The following ABCA13 variants were observed in gnomAD, a reference collection of about 807,000 sequenced individuals.
ABCA13 encodes the protein ATP-binding cassette sub-family A member 13.
ABCA13 carries 476 observed loss-of-function variants against 478.7 expected under a neutral mutation model. That is an observed-to-expected ratio of 0.99 (90% CI 0.92 to 1.07). The LOEUF (loss-of-function observed/expected upper bound fraction) is 1.07. ABCA13 is among the 50% of genes least tolerant of loss of function. The probability of loss-of-function intolerance (pLI) is 0.00; values close to 1 mark genes in which losing one functional copy is unlikely to be tolerated. For missense variants in ABCA13, 6,060 were observed against 5,910.6 expected, an observed-to-expected ratio of 1.03 and a Z score of -0.83; for synonymous variants, 2,252 against 2,158.9, an observed-to-expected ratio of 1.04 and a Z score of -1.20.
intron 59 of ABCA13, among the ~76,000 whole-genome samples, chr7:48,632,017 G>A (rs1262879527): frequency 2.6e-5 from 4 of 152,156 alleles, no homozygotes; most frequent in African/African-American, 9.7e-5. Context: ...CATTGATTTT[G>A]TAAACTGAGA....
At chr7:48,576,414 T>C (rs576935659) in intron 55 of ABCA13, among the ~76,000 whole-genome samples, 3 of 152,284 alleles carry the variant, frequency 2.0e-5, no homozygotes, top group Non-Finnish European at 2.9e-5. Flanking sequence ...AGATTCTCCA[T>C]GTGAAGACAG....
intron 10 of ABCA13, 136 bp downstream of exon 10, chr7:48,241,202 T>C: frequency 9.1e-7 from 1 of 1,098,562 alleles, no homozygotes; most frequent in East Asian, 2.6e-5. Context: ...AAATGGGAAA[T>C]CAGAGGCTTT....
chr7:48,224,019 G>A (rs1787786945), intron 5 of ABCA13, among the ~76,000 whole-genome samples: 1 of 151,574 alleles, frequency 6.6e-6, no homozygotes, highest in Non-Finnish European at 1.5e-5. Flanking sequence ...TGGAGACAGA[G>A]AGTGTATATG....
intron 8 of ABCA13, among the ~76,000 whole-genome samples, chr7:48,235,117 TG>T (rs1789752232): frequency 6.6e-6 from 1 of 152,194 alleles, no homozygotes; most frequent in Non-Finnish European, 1.5e-5. Flanking sequence ...GCTTGGTGTT[TG>T]AAAACCCAGT....
At chr7:48,189,340 A>G (rs894845049) in intron 1 of ABCA13, among the ~76,000 whole-genome samples, 5 of 145,866 alleles carry the variant, frequency 3.4e-5, no homozygotes, top group African/African-American at 7.8e-5. Flanking sequence ...GCACCCCTGC[A>G]GAGAAATAGT....
intron 59 of ABCA13, among the ~76,000 whole-genome samples, chr7:48,629,045 C>A (rs1793926177): frequency 6.6e-6 from 1 of 152,208 alleles, no homozygotes; most frequent in Non-Finnish European, 1.5e-5. Flanking sequence ...AAACAGTCTG[C>A]ATTATTCATG....
intron 16 of ABCA13, among the ~76,000 whole-genome samples, chr7:48,270,520 C>T (rs1052217106): frequency 6.6e-6 from 1 of 152,148 alleles, no homozygotes; most frequent in Non-Finnish European, 1.5e-5. Flanking sequence ...GGTAGTTAGG[C>T]ATCTATTCTT....
At chr7:48,520,513 T>C (rs1246528678) in intron 53 of ABCA13, among the ~76,000 whole-genome samples, 1 of 152,194 alleles carries the variant, frequency 6.6e-6, no homozygotes, top group Non-Finnish European at 1.5e-5. Flanking sequence ...AACTGTGAGA[T>C]GATCTTTCCA....
chr7:48,280,213 A>G (rs999980870), intron 18 of ABCA13, among the ~76,000 whole-genome samples: 5 of 152,220 alleles, frequency 3.3e-5, no homozygotes, highest in Non-Finnish European at 1.5e-5. Flanking sequence ...TCCCAAGACT[A>G]GTTGCATAAA....
At chr7:48,391,889 T>C (rs1220889398) in intron 37 of ABCA13, 32 bp from the exon 38 acceptor site, 3 of 1,598,430 alleles carry the variant, frequency 1.9e-6, no homozygotes, top group Non-Finnish European at 2.6e-6. Context: ...CAGCAACGCG[T>C]ATTCTCCATG....
Position 48,199,870 on chromosome 7 carries a change from C to A in ABCA13, c.287+1510C>A, listed in dbSNP as rs543727720. ...GGAAGAATATGATTTTGTGGCTAAACAATACTGGCTCTGTTACCTGTGGTT... is the reference window on the plus strand; with the variant it reads ...GGAAGAATATGATTTTGTGGCTAAAAAATACTGGCTCTGTTACCTGTGGTT... On this transcript the variant is annotated intron_variant, in intron 3 of 61. Transcript: ENST00000435803. 2.0e-5 allele frequency among the ~76,000 whole-genome samples: 3 copies of A among 152,242 alleles called. No homozygotes were observed. In the South Asian group the frequency reaches 6.2e-4, roughly 32 times the overall value.
rs1029321841 is a variant in ABCA13, at chr7:48,232,408, C to T, written c.764-1610C>T. ...GCCTTACAATTGAAAATGTAATTAC[C>T]GTTAAGAATGTAATTAAAATAAACA... On this transcript the variant is annotated intron_variant, in intron 7 of 61. Transcript: ENST00000435803. 6.6e-5 allele frequency among the ~76,000 whole-genome samples: 10 copies of T among 151,938 alleles called. No homozygotes were observed. The East Asian group carries it at 1.7e-3, about 26-fold the overall frequency.
intron 23 of ABCA13, among the ~76,000 whole-genome samples, chr7:48,306,091 C>G (rs1160333100): frequency 3.3e-5 from 5 of 152,198 alleles, no homozygotes; most frequent in Non-Finnish European, 7.3e-5. Flanking sequence ...GAACGCAATA[C>G]AATCTTTAAA....
chr7:48,316,823 A>C (rs930857327), intron 26 of ABCA13, among the ~76,000 whole-genome samples: 25 of 152,116 alleles, frequency 1.6e-4, no homozygotes, highest in African/African-American at 5.8e-4. Flanking sequence ...TGTTTTATTT[A>C]CTTATTTTTA....
chr7:48,203,334 G>A (rs1398690448), intron 3 of ABCA13, among the ~76,000 whole-genome samples: 2 of 152,204 alleles, frequency 1.3e-5, no homozygotes, highest in Non-Finnish European at 2.9e-5. Flanking sequence ...AGTGGGCTCC[G>A]GCCTTGGCCA....
Position 48,244,811 on chromosome 7 carries a change from C to A in ABCA13, c.1390+108C>A, listed in dbSNP as rs565213331. The A allele has an allele frequency of 2.0e-5, 28 of 1,380,362 alleles. No homozygotes were observed. The Admixed American group carries it at 4.8e-4, about 23-fold the overall frequency. The allele number at this position is 1,380,362 out of a possible 1,614,324, so 85.5% of individuals were successfully genotyped here. ...GACACATTGTAAAGTTGGGAGATAA[C>A]TTTGCTGGTGTCATATGCATATTTA... On this transcript the variant is annotated intron_variant, in intron 11 of 61. Transcript: ENST00000435803.
At position 48,320,319 on chromosome 7, in the gene ABCA13, A is replaced by T. The variant is rs145548560; in HGVS notation, c.9999+3023A>T. On this transcript the variant is annotated intron_variant, in intron 27 of 61. Coordinates refer to ENST00000435803, the MANE Select transcript of ABCA13 (RefSeq NM_152701.5). ...GTTGGAGGTTAGTTGGAGGTTTCTG[A>T]TTGGTTAATTTTAACTTTTGTTTTA... 6.2e-4 allele frequency among the ~76,000 whole-genome samples: 94 copies of T among 152,258 alleles called. 3 individuals are homozygous for T. Among genetic ancestry groups the T allele is most frequent in the African/African-American group, 2.2e-3 (90 of 41,544 alleles).
chr7:48,284,110 A>G (rs1797407887), intron 19 of ABCA13, among the ~76,000 whole-genome samples: 1 of 152,184 alleles, frequency 6.6e-6, no homozygotes. Context: ...GCTAGTTCAT[A>G]AGTAAAAACT....
At chr7:48,518,448 C>T (rs778410194) in intron 52 of ABCA13, among the ~76,000 whole-genome samples, 3 of 152,090 alleles carry the variant, frequency 2.0e-5, no homozygotes, top group Non-Finnish European at 2.9e-5. Context: ...GGAACCTTTC[C>T]ACTCATGAGG....
Sources: allele counts gnomAD v4.1 joint callset (sites outside exome capture counted in the v4.1 genomes callset), GRCh38; gene constraint gnomAD v4.1.1; transcripts MANE v1.5; gene names NCBI Gene and HGNC (gene_info 2026-07-23, HGNC 2026-07-21).